Variants in CEP85L observed in about 807,000 individuals in gnomAD.
CEP85L encodes centrosomal protein of 85 kDa-like.
In CEP85L, 60 loss-of-function variants were observed where a neutral mutation model predicts 100.3. That is an observed-to-expected ratio of 0.60 (90% CI 0.49 to 0.74). The LOEUF is 0.74. Among genes scored for constraint, CEP85L ranks in the 30% least tolerant of loss-of-function variants. The pLI is 0.00. For synonymous variants in CEP85L, 319 were observed against 322.7 expected (o/e 0.99, Z 0.12); for missense variants, 973 against 936.2 (o/e 1.04, Z -0.51).
Position 118,463,739 on chromosome 6 carries a change from G to A in CEP85L, c.*1666C>T, listed in dbSNP as rs1582834539. On this transcript the variant is annotated 3_prime_UTR_variant, in exon 13 of 13. Transcript: ENST00000368491. ...GCAGGAAGGACTCAGACACCAAACA[G>A]AAGGAAAATCTGATTTCTTTACAGT... The A allele has an allele frequency of 6.6e-6, 1 of 152,032 alleles. No homozygotes were observed. The highest frequency in any genetic ancestry group is 2.1e-4 in the South Asian group (1 of 4,824). The allele number at this position is 152,032 out of a possible 1,614,324, so 9.4% of individuals were successfully genotyped here.
At chr6:118,531,424 G>C (rs575767119) in intron 3 of CEP85L, among the ~76,000 whole-genome samples, 1 of 152,180 alleles carries the variant, frequency 6.6e-6, no homozygotes, top group African/African-American at 2.4e-5. Context: ...GAATAACCTA[G>C]GAAATACCAT....
intron 6 of CEP85L, among the ~76,000 whole-genome samples, chr6:118,488,467 T>C (rs114214626): frequency 8.6e-4 from 130 of 151,650 alleles, no homozygotes; most frequent in African/African-American, 2.9e-3. Flanking sequence ...AACACAGGTA[T>C]TTGGAAATTA....
chr6:118,629,150 A>C (rs1423867331), intron 2 of CEP85L, among the ~76,000 whole-genome samples: 1 of 144,846 alleles, frequency 6.9e-6, no homozygotes, highest in Non-Finnish European at 1.6e-5. Context: ...ATACAGAAGT[A>C]AGTGTGTAGA....
intron 5 of CEP85L, 66 bp downstream of exon 5, chr6:118,511,232 A>T: frequency 1.1e-6 from 1 of 922,050 alleles, no homozygotes; most frequent in Non-Finnish European, 1.7e-6. Flanking sequence ...CTTATATTAC[A>T]AGGTAAGTAT....
At chr6:118,706,990 C>T (rs1777611621) in intron 1 of CEP85L, among the ~76,000 whole-genome samples, 2 of 152,142 alleles carry the variant, frequency 1.3e-5, no homozygotes, top group South Asian at 4.1e-4. Context: ...AGTTCCCTTG[C>T]CCCTCATTGG....
At chr6:118,682,691 ATAT>A (rs1776704930) in intron 1 of CEP85L, among the ~76,000 whole-genome samples, 2 of 150,198 alleles carry the variant, frequency 1.3e-5, no homozygotes, top group South Asian at 2.1e-4. Flanking sequence ...GCTTCAAATA[ATAT>A]TATGCCCTAA....
chr6:118,643,596 C>G (rs1321426091), intron 1 of CEP85L, among the ~76,000 whole-genome samples: 1 of 152,172 alleles, frequency 6.6e-6, no homozygotes, highest in African/African-American at 2.4e-5. Context: ...CTTACATTAA[C>G]TCTCTTTAAA....
intron 2 of CEP85L, among the ~76,000 whole-genome samples, chr6:118,625,714 AAG>A (rs1218225760): frequency 6.6e-6 from 1 of 152,198 alleles, no homozygotes; most frequent in East Asian, 1.9e-4. Flanking sequence ...AGAACGTAGA[AAG>A]AGTGAACTCC....
chr6:118,474,956 C>T (rs1387479336), intron 10 of CEP85L, among the ~76,000 whole-genome samples: 6 of 152,152 alleles, frequency 3.9e-5, no homozygotes, highest in African/African-American at 1.2e-4. Context: ...AAATCTCAAA[C>T]ACTAAGCTAA....
At chr6:118,588,367 G>A (rs1279588340) in intron 2 of CEP85L, among the ~76,000 whole-genome samples, 1 of 152,162 alleles carries the variant, frequency 6.6e-6, no homozygotes, top group Non-Finnish European at 1.5e-5. Flanking sequence ...ATGGGCCATA[G>A]AGGCACAACC....
intron 1 of CEP85L, among the ~76,000 whole-genome samples, chr6:118,709,218 G>A (rs779166940): frequency 2.0e-4 from 31 of 152,076 alleles, no homozygotes; most frequent in Non-Finnish European, 3.8e-4. Flanking sequence ...CATTCCCCCA[G>A]TCTAAGTGCT....
intron 1 of CEP85L, among the ~76,000 whole-genome samples, chr6:118,657,676 A>T (rs2115400609): frequency 6.6e-6 from 1 of 152,266 alleles, no homozygotes; most frequent in South Asian, 2.1e-4. Flanking sequence ...GGGCACATGG[A>T]ACTCTGGAGG....
intron 3 of CEP85L, among the ~76,000 whole-genome samples, chr6:118,526,010 T>A (rs1776940930): frequency 6.6e-6 from 1 of 152,218 alleles, no homozygotes. Flanking sequence ...TAGGATGGGA[T>A]GTTTCATGCA....
chr6:118,524,826 T>C (rs560795756), intron 3 of CEP85L, among the ~76,000 whole-genome samples: 6 of 152,314 alleles, frequency 3.9e-5, no homozygotes, highest in African/African-American at 1.2e-4. Context: ...CCAGGGCTCA[T>C]GTGGGCATGC....
At chr6:118,698,999 C>T (rs73768530) in intron 1 of CEP85L, among the ~76,000 whole-genome samples, 9,099 of 152,020 alleles carry the variant, frequency 0.06, 340 homozygotes, top group African/African-American at 0.093. Flanking sequence ...ATAATATGCC[C>T]GGAAACTGAA....
At chr6:118,681,020 G>A (rs1269366248) in intron 1 of CEP85L, among the ~76,000 whole-genome samples, 1 of 152,228 alleles carries the variant, frequency 6.6e-6, no homozygotes, top group African/African-American at 2.4e-5. Flanking sequence ...GAACTATTGT[G>A]CGTGTGACAT....
intron 4 of CEP85L, among the ~76,000 whole-genome samples, chr6:118,513,172 AAAG>A (rs1277958254): frequency 6.6e-6 from 1 of 152,152 alleles, no homozygotes; most frequent in Admixed American, 6.5e-5. Context: ...ATAAAACAAA[AAAG>A]CTCATAGTAT....
intron 5 of CEP85L, among the ~76,000 whole-genome samples, chr6:118,494,618 T>G (rs1456882954): frequency 6.6e-6 from 1 of 152,068 alleles, no homozygotes; most frequent in Non-Finnish European, 1.5e-5. Context: ...CTTAGAAAAC[T>G]GAAGTTCACA....
At chr6:118,623,026 G>C (rs946138407) in intron 2 of CEP85L, among the ~76,000 whole-genome samples, 5 of 152,226 alleles carry the variant, frequency 3.3e-5, no homozygotes, top group African/African-American at 1.2e-4. Flanking sequence ...GTTAGCGACA[G>C]AAGAGGGAAA....
Sources: allele counts gnomAD v4.1 joint callset (sites outside exome capture counted in the v4.1 genomes callset), GRCh38; gene constraint gnomAD v4.1.1; transcripts MANE v1.5; gene names NCBI Gene and HGNC (gene_info 2026-07-23, HGNC 2026-07-21).